ZBTB46: variants seen among roughly 807,000 people sequenced by gnomAD.
ZBTB46 encodes the protein zinc finger and BTB domain-containing protein 46.
A neutral mutation model predicts 44.1 loss-of-function variants in ZBTB46; 8 were observed. The ratio of observed to expected loss-of-function variants is 0.18; its 90% confidence interval spans 0.11 to 0.33. The LOEUF (loss-of-function observed/expected upper bound fraction) is 0.33. ZBTB46 is among the 10% of genes least tolerant of loss of function. The pLI, the probability that ZBTB46 is intolerant of heterozygous loss-of-function variation, is 1.00. For missense variants in ZBTB46, 651 were observed against 847.7 expected, an observed-to-expected ratio of 0.77 and a Z score of 2.88; for synonymous variants, 409 against 382.3, an observed-to-expected ratio of 1.07 and a Z score of -0.81.
rs997426925 is a variant in ZBTB46 at position 63,787,272 on chromosome 20, G to A, written c.937+2549C>T. ...TGGTGGCGTGACAGGAATAGCCATC[G>A]CCATCCTAGCCATCGCCATCCTAGC... On this transcript the variant is annotated intron_variant, in intron 2 of 4. Coordinates refer to ENST00000245663, the MANE Select transcript of ZBTB46 (RefSeq NM_001369741.1). This position sits in a 1 kb window ranked among gnomAD's most constrained non-coding sequence, Gnocchi z 4.6. Among the ~76,000 whole-genome samples the A allele has an allele frequency of 6.6e-6, 1 of 151,972 alleles. No homozygotes were observed. The highest frequency in any genetic ancestry group is 1.5e-5 in the Non-Finnish European group (1 of 67,992).
chr20:63,772,528 G>GA (rs2092383418), intron 3 of ZBTB46, among the ~76,000 whole-genome samples: 1 of 151,556 alleles, frequency 6.6e-6, no homozygotes, highest in African/African-American at 2.4e-5. Context: ...AGACCAGCCT[G>GA]GCCAACATGG....
chr20:63,762,677 C>CAA lies in ZBTB46; in HGVS notation c.1223-9818_1223-9817dup, dbSNP rs767054579. On this transcript the variant is annotated intron_variant, in intron 3 of 4. Coordinates refer to ENST00000245663, the MANE Select transcript of ZBTB46 (RefSeq NM_001369741.1). ...AAAAACAAACAAACAAACAAACAAA[C>CAA]AAAAAAAAAACCAACTGAGCTGTTA... Among the ~76,000 whole-genome samples, 337 of 104,538 alleles carry CAA rather than the reference C, an allele frequency of 3.2e-3. 4 individuals carry two copies. The highest frequency in any genetic ancestry group is 0.026 in the Middle Eastern group (5 of 190). 68.6% of individuals were successfully genotyped at this position (104,538 alleles called of 152,430 possible).
intron 3 of ZBTB46, among the ~76,000 whole-genome samples, chr20:63,773,855 C>T (rs2092397113): frequency 6.6e-6 from 1 of 152,220 alleles, no homozygotes; most frequent in African/African-American, 2.4e-5. Context: ...TGCCCTGCCA[C>T]CGCCTCCTGG....
intron 3 of ZBTB46, among the ~76,000 whole-genome samples, chr20:63,755,695 A>G (rs958973820): frequency 2.7e-5 from 4 of 149,682 alleles, no homozygotes; most frequent in Non-Finnish European, 6.0e-5. Flanking sequence ...TTACTAAAAT[A>G]ATTTCTTACT....
intron 2 of ZBTB46, among the ~76,000 whole-genome samples, chr20:63,785,532 C>G (rs1037953363): frequency 1.3e-5 from 2 of 152,166 alleles, no homozygotes; most frequent in Non-Finnish European, 2.9e-5. Context: ...CGCACTCCAG[C>G]CTGGGTGACA....
chr20:63,754,834 C>T (rs1278706474), intron 3 of ZBTB46, among the ~76,000 whole-genome samples: 2 of 151,146 alleles, frequency 1.3e-5, no homozygotes, highest in Non-Finnish European at 2.9e-5. Context: ...CTCCTGACCT[C>T]GTGATCCGCC....
At chr20:63,825,400 CAAAA>C (rs768780388) in intron 1 of ZBTB46, among the ~76,000 whole-genome samples, 2 of 66,838 alleles carry the variant, frequency 3.0e-5, no homozygotes, top group Non-Finnish European at 2.7e-5. Flanking sequence ...GACTCCGTCT[CAAAA>C]AAAAAAAAAA....
intron 1 of ZBTB46, among the ~76,000 whole-genome samples, chr20:63,807,385 C>A (rs2092688357): frequency 6.6e-6 from 1 of 152,006 alleles, no homozygotes; most frequent in South Asian, 2.1e-4. Context: ...CGCTCTGTCA[C>A]CCAGGCTGGA....
At chr20:63,755,689 TA>T (rs1405552994) in intron 3 of ZBTB46, among the ~76,000 whole-genome samples, 1 of 150,960 alleles carries the variant, frequency 6.6e-6, no homozygotes, top group African/African-American at 2.4e-5. Flanking sequence ...CTGTCATTAC[TA>T]AAATAATTTC....
chr20:63,821,788 T>TA (rs1274938286), intron 1 of ZBTB46, among the ~76,000 whole-genome samples: 1 of 152,170 alleles, frequency 6.6e-6, no homozygotes, highest in African/African-American at 2.4e-5. Context: ...CAGAAATACT[T>TA]AAAGTACAGA....
At chr20:63,760,318 T>C (rs1255319653) in intron 3 of ZBTB46, among the ~76,000 whole-genome samples, 2 of 152,236 alleles carry the variant, frequency 1.3e-5, no homozygotes, top group Admixed American at 1.3e-4. Context: ...CATTGAGCTC[T>C]TCCTGTTTGC....
At chr20:63,771,493 G>A (rs1410131321) in intron 3 of ZBTB46, among the ~76,000 whole-genome samples, 1 of 152,166 alleles carries the variant, frequency 6.6e-6, no homozygotes. Flanking sequence ...ATCAGCAGAC[G>A]GCGTCAGACC....
intron 1 of ZBTB46, among the ~76,000 whole-genome samples, chr20:63,804,071 G>A (rs1447237050): frequency 4.5e-4 from 69 of 152,108 alleles, no homozygotes; most frequent in Admixed American, 4.5e-3. Flanking sequence ...ACCTCTCACT[G>A]CCCTGCGCTG....
At chr20:63,814,789 T>G (rs1016577853) in intron 1 of ZBTB46, 1 of 152,534 alleles carries the variant, frequency 6.6e-6, no homozygotes, top group Non-Finnish European at 1.5e-5. Context: ...CACAATGCTA[T>G]GTGCTAAATT....
At chr20:63,775,510 C>A (rs2092417376) in intron 3 of ZBTB46, 168 bp downstream of exon 3, 2 of 861,924 alleles carry the variant, frequency 2.3e-6, no homozygotes, top group African/African-American at 3.4e-5. Flanking sequence ...ACCTGAGAGG[C>A]CAGTCCAGGC....
chr20:63,797,676 C>T (rs528536843), intron 1 of ZBTB46, among the ~76,000 whole-genome samples: 1 of 152,338 alleles, frequency 6.6e-6, no homozygotes, highest in African/African-American at 2.4e-5. Flanking sequence ...TGCTTCCTGA[C>T]TTTTTAATGA....
At chr20:63,808,995 A>G (rs1208111529) in intron 1 of ZBTB46, among the ~76,000 whole-genome samples, 24 of 145,292 alleles carry the variant, frequency 1.7e-4, no homozygotes, top group East Asian at 8.0e-4. Context: ...AAAAAAAAAA[A>G]AAAAGAAAAA....
At chr20:63,792,504 T>A (rs1330771810) in intron 1 of ZBTB46, among the ~76,000 whole-genome samples, 2 of 152,024 alleles carry the variant, frequency 1.3e-5, no homozygotes, top group Non-Finnish European at 2.9e-5. Flanking sequence ...CACTTAGTCA[T>A]GACAGAATAT....
At chr20:63,823,501 A>AAAT (rs1568910182) in intron 1 of ZBTB46, among the ~76,000 whole-genome samples, 8 of 151,052 alleles carry the variant, frequency 5.3e-5, no homozygotes, top group Admixed American at 3.3e-4. Context: ...CTGTCTCAAA[A>AAAT]AAATAAATAA....
Sources: allele counts gnomAD v4.1 joint callset (sites outside exome capture counted in the v4.1 genomes callset), GRCh38; gene constraint gnomAD v4.1.1; non-coding constraint Gnocchi (gnomAD v3.1); transcripts MANE v1.5; gene names NCBI Gene and HGNC (gene_info 2026-07-23, HGNC 2026-07-21).